The following JPH3 variants were observed in gnomAD, a reference collection of about 807,000 sequenced individuals.
The protein encoded by JPH3 is junctophilin-3.
A neutral mutation model predicts 59.6 loss-of-function variants in JPH3; 11 were observed. The ratio of observed to expected loss-of-function variants is 0.18; its 90% CI spans 0.12 to 0.31. JPH3 has a LOEUF of 0.31. Among genes scored for constraint, JPH3 ranks in the 10% least tolerant of loss-of-function variants. The pLI, the probability that JPH3 is intolerant of heterozygous loss-of-function variation, is 1.00. For synonymous variants in JPH3, 673 were observed against 483.6 expected (o/e 1.39, Z -5.14); for missense variants, 1,202 against 1,105.7 (o/e 1.09, Z -1.24).
At chr16:87,674,434 C>T (rs903221953) in intron 2 of JPH3, among the ~76,000 whole-genome samples, 3 of 152,214 alleles carry the variant, frequency 2.0e-5, no homozygotes, top group Non-Finnish European at 4.4e-5. Flanking sequence ...AAAACTGGAG[C>T]CTGTCCTGTG....
intron 2 of JPH3, among the ~76,000 whole-genome samples, chr16:87,662,197 C>G (rs905017845): frequency 3.3e-5 from 5 of 152,174 alleles, no homozygotes; most frequent in Admixed American, 6.5e-5. Context: ...CTGGGCTCTG[C>G]TGCTGTTTCT....
At chr16:87,647,755 A>G (rs1282890078) in intron 2 of JPH3, among the ~76,000 whole-genome samples, 1 of 152,096 alleles carries the variant, frequency 6.6e-6, no homozygotes, top group Non-Finnish European at 1.5e-5. Flanking sequence ...GTCCATGCGC[A>G]CCTGTGGAGC....
In JPH3 at chr16:87,697,887, G is replaced by T. The variant is rs867302513; in HGVS notation, c.*1227G>T. ...AAGAACAAGGTTTGCCAGGATGTCCGAGTGCCCCCTGGCCCTGGCTCTCGT... is the reference window on the plus strand; with the variant it reads ...AAGAACAAGGTTTGCCAGGATGTCCTAGTGCCCCCTGGCCCTGGCTCTCGT... On this transcript the variant is annotated 3_prime_UTR_variant, in exon 5 of 5. Coordinates refer to ENST00000284262, the MANE Select transcript of JPH3 (RefSeq NM_020655.4). The T allele has an allele frequency of 1.3e-5, 2 of 152,456 alleles. No homozygotes were observed. The highest frequency in any genetic ancestry group is 6.5e-5 in the Admixed American group (1 of 15,286). 9.4% of individuals were successfully genotyped at this position (152,456 alleles called of 1,614,324 possible). A position where few individuals can be genotyped will look rare whatever the true frequency, so the allele number is the denominator to read the frequency against.
At chr16:87,615,067 C>T (rs1277692728) in intron 1 of JPH3, among the ~76,000 whole-genome samples, 4 of 152,046 alleles carry the variant, frequency 2.6e-5, no homozygotes, top group African/African-American at 9.7e-5. Flanking sequence ...TCCCTGCACA[C>T]GTGAGGAGCT....
chr16:87,676,312 C>A (rs2033140513), intron 2 of JPH3, among the ~76,000 whole-genome samples: 1 of 152,222 alleles, frequency 6.6e-6, no homozygotes, highest in East Asian at 1.9e-4. Context: ...GTAGCAGACA[C>A]TCAATTTAAC....
chr16:87,650,144 C>T lies in JPH3; in HGVS notation c.1160+5109C>T, dbSNP rs140388028. 4.5e-3 allele frequency among the ~76,000 whole-genome samples: 689 copies of T among 152,294 alleles called. 10 individuals carry two copies. Among genetic ancestry groups the T allele is most frequent in the African/African-American group, 0.016 (652 of 41,562 alleles). On this transcript the variant is annotated intron_variant, in intron 2 of 4. Coordinates refer to ENST00000284262, the MANE Select transcript of JPH3 (RefSeq NM_020655.4). ...GTGCATGGGGCAAGCCTCTTGGTGCCGTTTTCCCAACAGCACGTGCTCACA... is the reference window on the plus strand; with the variant it reads ...GTGCATGGGGCAAGCCTCTTGGTGCTGTTTTCCCAACAGCACGTGCTCACA...
intron 1 of JPH3, among the ~76,000 whole-genome samples, chr16:87,630,240 T>C (rs4360945): frequency 6.6e-6 from 1 of 152,074 alleles, no homozygotes; most frequent in African/African-American, 2.4e-5. Flanking sequence ...TGCCCACCTC[T>C]GGGGCCAGCT....
intron 2 of JPH3, 142 bp downstream of exon 2, chr16:87,645,177 C>A: frequency 1.2e-6 from 1 of 866,118 alleles, no homozygotes; most frequent in Non-Finnish European, 1.7e-6. Flanking sequence ...ACTATGCCCC[C>A]ATGGAACCCT....
intron 2 of JPH3, among the ~76,000 whole-genome samples, chr16:87,677,183 T>TACACACAC (rs1156601635): frequency 1.3e-5 from 1 of 75,900 alleles, no homozygotes; most frequent in Non-Finnish European, 2.6e-5. Flanking sequence ...ACTATATATA[T>TACACACAC]ATACACACAC....
chr16:87,619,179 T>C (rs1481558408), intron 1 of JPH3, among the ~76,000 whole-genome samples: 1 of 151,864 alleles, frequency 6.6e-6, no homozygotes, highest in African/African-American at 2.4e-5. Context: ...TAGCTGGGCA[T>C]GGTGGTGCCT....
intron 2 of JPH3, among the ~76,000 whole-genome samples, chr16:87,652,580 C>T (rs777360593): frequency 6.6e-6 from 1 of 152,250 alleles, no homozygotes; most frequent in Non-Finnish European, 1.5e-5. Flanking sequence ...CCTCCTGCTT[C>T]CGCCTTCCGA....
chr16:87,627,180 C>G (rs572338711), intron 1 of JPH3, among the ~76,000 whole-genome samples: 1 of 152,234 alleles, frequency 6.6e-6, no homozygotes, highest in South Asian at 2.1e-4. Context: ...TGCCCTAGAG[C>G]CGTGGCTCAG....
chr16:87,644,177 G>A, intron 1 of JPH3, 81 bp from the exon 2 acceptor site: 1 of 1,407,736 alleles, frequency 7.1e-7, no homozygotes, highest in Non-Finnish European at 9.7e-7. Flanking sequence ...CAGGACTGTG[G>A]CTGCTTCAAC....
chr16:87,681,874 G>T (rs187373922), intron 2 of JPH3, among the ~76,000 whole-genome samples: 13 of 152,328 alleles, frequency 8.5e-5, no homozygotes, highest in Admixed American at 6.5e-5. Flanking sequence ...CTGCAGCATG[G>T]CTGAGCCTCG....
chr16:87,607,828 C>G (rs1390536681), intron 1 of JPH3, among the ~76,000 whole-genome samples: 1 of 152,222 alleles, frequency 6.6e-6, no homozygotes, highest in African/African-American at 2.4e-5. Context: ...AAACTCATTT[C>G]AGAAACAAGA....
At chr16:87,686,995 C>T (rs540897225) in intron 3 of JPH3, among the ~76,000 whole-genome samples, 13 of 152,308 alleles carry the variant, frequency 8.5e-5, no homozygotes, top group Non-Finnish European at 1.3e-4. Context: ...CTTTGGGTGG[C>T]GCCCCGGAGC....
At chr16:87,686,896 C>T (rs1447494587) in intron 3 of JPH3, among the ~76,000 whole-genome samples, 1 of 152,202 alleles carries the variant, frequency 6.6e-6, no homozygotes, top group Non-Finnish European at 1.5e-5. Context: ...GAGTCCAGTC[C>T]TCGAGGGTCT....
At chr16:87,666,051 A>G (rs550817918) in intron 2 of JPH3, among the ~76,000 whole-genome samples, 34 of 151,792 alleles carry the variant, frequency 2.2e-4, no homozygotes, top group Non-Finnish European at 3.4e-4. Flanking sequence ...ATGCCCCATC[A>G]TATGTGAATA....
At chr16:87,616,191 TG>T (rs1555533961) in intron 1 of JPH3, among the ~76,000 whole-genome samples, 570 of 25,986 alleles carry the variant, frequency 0.022, 6 homozygotes, top group African/African-American at 0.077. Context: ...AATCTGGTTT[TG>T]TGTGTGTGTG....
Sources: gnomAD v4.1 joint callset for allele counts (sites outside exome capture counted in the v4.1 genomes callset) on GRCh38, gnomAD v4.1.1 for gene constraint, MANE v1.5 for transcripts, NCBI Gene and HGNC (gene_info 2026-07-23, HGNC 2026-07-21) for gene names.